TAB2: variants seen among roughly 807,000 people sequenced by gnomAD.
TAB2 encodes the protein TGF-beta-activated kinase 1 and MAP3K7-binding protein 2.
In TAB2, 3 loss-of-function variants were observed where a neutral mutation model predicts 65.0. That is an observed-to-expected ratio of 0.05 (90% CI 0.02 to 0.12). The LOEUF (loss-of-function observed/expected upper bound fraction) is 0.12. Among genes scored for constraint, TAB2 ranks in the 10% least tolerant of loss-of-function variants. The pLI is 1.00. For missense variants in TAB2, 623 were observed against 840.3 expected, an observed-to-expected ratio of 0.74 and a Z score of 3.20; for synonymous variants, 298 against 285.1, an observed-to-expected ratio of 1.05 and a Z score of -0.46.
chr6:149,344,704 A>T (rs1780237802), intron 1 of TAB2, among the ~76,000 whole-genome samples: 1 of 152,144 alleles, frequency 6.6e-6, no homozygotes. Flanking sequence ...AATCTTTTGA[A>T]AAGCTGACTA....
chr6:149,398,110 C>T, intron 5 of TAB2, 48 bp downstream of exon 5: 2 of 1,521,964 alleles, frequency 1.3e-6, no homozygotes, highest in South Asian at 1.1e-5. Flanking sequence ...TTTAATTCAC[C>T]AGCAGTTTTT....
At chr6:149,330,992 T>G (rs1416081293) in intron 1 of TAB2, among the ~76,000 whole-genome samples, 2 of 152,132 alleles carry the variant, frequency 1.3e-5, no homozygotes, top group African/African-American at 4.8e-5. Flanking sequence ...TGCCTGTCCC[T>G]CCACCACTAC....
In TAB2 at chr6:149,311,220, G is replaced by T. The variant is rs566187017; in HGVS notation, c.-120-66798G>T. 2.6e-5 allele frequency among the ~76,000 whole-genome samples: 4 copies of T among 152,304 alleles called. No individual in the cohort carries two copies. In the East Asian group the frequency reaches 7.7e-4, roughly 29 times the overall value. On this transcript the variant is annotated intron_variant, in intron 1 of 1. Coordinates refer to the TAB2 transcript ENST00000606202. ...AGTTCTGCAAAATCAGCTACTTCAT[G>T]TTCCCTAAATATGCTCTATCTTTTC...
At chr6:149,248,638 G>A (rs1777790433) in intron 1 of TAB2, among the ~76,000 whole-genome samples, 1 of 152,190 alleles carries the variant, frequency 6.6e-6, no homozygotes, top group Non-Finnish European at 1.5e-5. Flanking sequence ...TCATTTACAA[G>A]TATTGACAGG....
At chr6:149,276,101 G>C (rs1325698025) in intron 1 of TAB2, among the ~76,000 whole-genome samples, 1 of 152,136 alleles carries the variant, frequency 6.6e-6, no homozygotes, top group African/African-American at 2.4e-5. Context: ...TAATAATAGG[G>C]AAAACTGGGT....
rs1583077940 is a variant in TAB2, at chr6:149,310,583, G to A, written c.-120-67435G>A. On this transcript the variant is annotated intron_variant, in intron 1 of 1. Coordinates refer to the TAB2 transcript ENST00000606202. ...TAATATATATATTTTTTTTAAAATT[G>A]CATTTACATGATTACCAATGAGACT... is the stretch of plus-strand genomic sequence containing the variant. 2.7e-5 allele frequency among the ~76,000 whole-genome samples: 4 copies of A among 145,554 alleles called. 1 individual carries two copies. In the South Asian group the frequency reaches 8.8e-4, roughly 32 times the overall value.
intron 1 of TAB2, among the ~76,000 whole-genome samples, chr6:149,345,824 A>G (rs920699765): frequency 1.3e-5 from 2 of 152,092 alleles, no homozygotes; most frequent in African/African-American, 4.8e-5. Context: ...TGGAATCTGC[A>G]TCTTGATTTT....
chr6:149,289,738 A>G (rs1334762964), intron 1 of TAB2, among the ~76,000 whole-genome samples: 1 of 152,246 alleles, frequency 6.6e-6, no homozygotes, highest in Non-Finnish European at 1.5e-5. Flanking sequence ...GGCCTGTGAC[A>G]CAACTCTCAG....
chr6:149,249,168 A>G (rs984468493), intron 1 of TAB2, among the ~76,000 whole-genome samples: 2 of 52,612 alleles, frequency 3.8e-5, no homozygotes, highest in African/African-American at 2.1e-4. Flanking sequence ...ACACACACAC[A>G]CGCACACACA....
chr6:149,253,974 G>GAA (rs1491048325), intron 1 of TAB2, among the ~76,000 whole-genome samples: 228 of 92,496 alleles, frequency 2.5e-3, no homozygotes, highest in Middle Eastern at 5.0e-3. Context: ...AAGAAAGAAA[G>GAA]AAAGAAAGAA....
At chr6:149,265,098 GAA>G (rs35134622) in intron 1 of TAB2, among the ~76,000 whole-genome samples, 15 of 143,496 alleles carry the variant, frequency 1.0e-4, no homozygotes, top group African/African-American at 3.8e-4. Flanking sequence ...CTATGAAAAT[GAA>G]AAAAAAAAGA....
At chr6:149,368,835 A>G (rs1781126660) in intron 1 of TAB2, among the ~76,000 whole-genome samples, 1 of 152,200 alleles carries the variant, frequency 6.6e-6, no homozygotes, top group African/African-American at 2.4e-5. Context: ...GCTTATTACT[A>G]TATAAGTGAG....
intron 1 of TAB2, among the ~76,000 whole-genome samples, chr6:149,337,529 G>T (rs1779971040): frequency 6.6e-6 from 1 of 152,084 alleles, no homozygotes; most frequent in African/African-American, 2.4e-5. Context: ...TTTTGTTTCA[G>T]TTACAGAATA....
chr6:149,403,329 TAC>T lies in TAB2; in HGVS notation c.1939+4147_1939+4148del, dbSNP rs1390802967. 4.9e-3 allele frequency among the ~76,000 whole-genome samples: 273 copies of T among 55,740 alleles called. 2 individuals carry two copies. The highest frequency in any genetic ancestry group is 0.016 in the African/African-American group (256 of 15,622). The allele number at this position is 55,740 out of a possible 152,430, so 36.6% of individuals were successfully genotyped here. On this transcript the variant is annotated intron_variant, in intron 6 of 6. Coordinates refer to ENST00000637181, the MANE Select transcript of TAB2 (RefSeq NM_001292034.3). ...ATATATATATACACACACATATATA[TAC>T]ATATATATACACACACACACACACA...
At chr6:149,248,329 T>C (rs1583044420) in intron 1 of TAB2, among the ~76,000 whole-genome samples, 1 of 151,632 alleles carries the variant, frequency 6.6e-6, no homozygotes, top group Admixed American at 6.6e-5. Flanking sequence ...GAAGCAGAGG[T>C]TGCAGTGAGC....
At chr6:149,335,595 A>G (rs1346647968) in intron 1 of TAB2, among the ~76,000 whole-genome samples, 1 of 151,958 alleles carries the variant, frequency 6.6e-6, no homozygotes, top group Non-Finnish European at 1.5e-5. Context: ...GCTAGTCTCA[A>G]ACTCCTTGGC....
chr6:149,233,089 C>T (rs1300438874), intron 1 of TAB2, among the ~76,000 whole-genome samples: 1 of 152,174 alleles, frequency 6.6e-6, no homozygotes, highest in African/African-American at 2.4e-5. Context: ...TGCATGCAGA[C>T]CCACCAGCCG....
chr6:149,391,809 G>A (rs1781996434), intron 3 of TAB2, among the ~76,000 whole-genome samples: 1 of 152,068 alleles, frequency 6.6e-6, no homozygotes, highest in Non-Finnish European at 1.5e-5. Flanking sequence ...CGAAAGTGCT[G>A]GGATTACAGG....
intron 1 of TAB2, among the ~76,000 whole-genome samples, chr6:149,249,170 GCACA>G (rs35356478): frequency 6.0e-5 from 9 of 150,122 alleles, no homozygotes; most frequent in South Asian, 2.1e-4. Flanking sequence ...ACACACACAC[GCACA>G]CACACACACA....
Sources: allele counts gnomAD v4.1 joint callset (sites outside exome capture counted in the v4.1 genomes callset), GRCh38; gene constraint gnomAD v4.1.1; transcripts MANE v1.5; gene names NCBI Gene and HGNC (gene_info 2026-07-23, HGNC 2026-07-21).